The following ZC3H11A variants were observed in gnomAD, a reference collection of about 807,000 sequenced individuals.
The protein encoded by ZC3H11A is zinc finger CCCH domain-containing protein 11A.
ZC3H11A carries 22 observed loss-of-function variants against 90.8 expected under a neutral mutation model. That is an observed-to-expected ratio of 0.24 (90% CI 0.17 to 0.35). The LOEUF is 0.35. Among genes scored for constraint, ZC3H11A ranks in the 10% least tolerant of loss-of-function variants. The pLI is 1.00. For synonymous variants in ZC3H11A, 294 were observed against 339.8 expected (o/e 0.87, Z 1.48); for missense variants, 701 against 964.9 (o/e 0.73, Z 3.62).
chr1:203,845,160 GC>G, intron 12 of ZC3H11A, among the ~76,000 whole-genome samples: 1 of 152,102 alleles, frequency 6.6e-6, no homozygotes. Flanking sequence ...TCAGACATCT[GC>G]TTTCTGTTTT....
At chr1:203,850,078 C>T in intron 15 of ZC3H11A, 52 bp downstream of exon 15, 1 of 1,563,242 alleles carries the variant, frequency 6.4e-7, no homozygotes, top group Non-Finnish European at 8.7e-7. Context: ...TTACCAAATT[C>T]AACCCAATTG....
chr1:203,806,509 G>A (rs1558096704), intron 2 of ZC3H11A, among the ~76,000 whole-genome samples: 1 of 152,122 alleles, frequency 6.6e-6, no homozygotes, highest in East Asian at 1.9e-4. Flanking sequence ...CACCATGTTG[G>A]CCAGGCTGGT....
intron 4 of ZC3H11A, among the ~76,000 whole-genome samples, chr1:203,822,704 G>A (rs1283023736): frequency 6.6e-6 from 1 of 152,132 alleles, no homozygotes; most frequent in Non-Finnish European, 1.5e-5. Flanking sequence ...ACACTTGTCA[G>A]GGTACCCTTT....
intron 9 of ZC3H11A, among the ~76,000 whole-genome samples, chr1:203,832,859 A>G (rs772489799): frequency 6.6e-6 from 1 of 152,244 alleles, no homozygotes; most frequent in Non-Finnish European, 1.5e-5. Flanking sequence ...ATCAAAGTGC[A>G]TAAGCAAAAG....
chr1:203,818,712 C>T (rs1677186353), intron 4 of ZC3H11A, 23 bp downstream of exon 4: 1 of 1,613,610 alleles, frequency 6.2e-7, no homozygotes, highest in Non-Finnish European at 8.5e-7. Context: ...TTTCCGTTAT[C>T]ATAATAAGTA....
At chr1:203,815,138 T>A (rs1675824965) in intron 2 of ZC3H11A, among the ~76,000 whole-genome samples, 1 of 151,872 alleles carries the variant, frequency 6.6e-6, no homozygotes, top group Non-Finnish European at 1.5e-5. Context: ...CCATATATCA[T>A]AATTTTTAAA....
At chr1:203,849,329 G>A (rs1688717582) in intron 14 of ZC3H11A, among the ~76,000 whole-genome samples, 1 of 152,158 alleles carries the variant, frequency 6.6e-6, no homozygotes, top group Non-Finnish European at 1.5e-5. Flanking sequence ...CAAGAAGTTT[G>A]TTTTTACTGA....
rs767665804 is a variant in ZC3H11A, at chr1:203,830,132, T to C, written c.629T>C (p.Leu210Ser). Residue 210 changes from leucine (L) to serine (S), a missense_variant, in exon 8 of 18, where the codon TTG becomes TCG. Transcript: ENST00000367210. ...PAVNIKQGEC[L>S]NFGIKTLEEI... ...CTATTTGAATTTTCAGGTGAATGTTTGAATTTTGGAATAAAAACTCTTGAG... is the reference window on the plus strand; with the variant it reads ...CTATTTGAATTTTCAGGTGAATGTTCGAATTTTGGAATAAAAACTCTTGAG... 3.1e-6 allele frequency: 5 copies of C among 1,592,708 alleles called. No homozygotes were observed. The Admixed American group carries it at 5.8e-5, about 18-fold the overall frequency.
At chr1:203,814,331 C>T (rs894915262) in intron 2 of ZC3H11A, among the ~76,000 whole-genome samples, 1 of 152,152 alleles carries the variant, frequency 6.6e-6, no homozygotes, top group Admixed American at 6.6e-5. Context: ...CAAGACCAGC[C>T]TGGCCAACAT....
intron 4 of ZC3H11A, among the ~76,000 whole-genome samples, chr1:203,819,244 C>T (rs1328984845): frequency 2.9e-5 from 4 of 137,482 alleles, no homozygotes; most frequent in Non-Finnish European, 4.6e-5. Context: ...TTTTTTGAAA[C>T]GGAGTCTCAC....
chr1:203,801,279 A>G (rs974709538), intron 1 of ZC3H11A: 1 of 152,150 alleles, frequency 6.6e-6, no homozygotes, highest in Admixed American at 6.5e-5. Flanking sequence ...TTGTTTCTGT[A>G]ATTTTAGGTA....
chr1:203,842,439 C>T (rs1366395652), intron 12 of ZC3H11A, among the ~76,000 whole-genome samples: 1 of 152,138 alleles, frequency 6.6e-6, no homozygotes, highest in African/African-American at 2.4e-5. Context: ...TCCACCAAAA[C>T]ATGCAAACAC....
chr1:203,846,860 C>G (rs780891134), intron 12 of ZC3H11A, among the ~76,000 whole-genome samples: 31 of 151,874 alleles, frequency 2.0e-4, no homozygotes, highest in Non-Finnish European at 4.3e-4. Flanking sequence ...AACAATTAGC[C>G]GGGCTTGGTG....
chr1:203,847,463 A>G lies in ZC3H11A; in HGVS notation c.1322A>G (p.Lys441Arg), dbSNP rs150340964. Residue 441 changes from lysine to arginine, a missense_variant, in exon 13 of 18, where the codon AAA (lysine) becomes AGA (arginine). Physicochemically the swap from Lys to Arg is conservative, Grantham distance 26. Transcript: ENST00000367210. The part of the protein sequence containing the change: ...CIKLKIDSEI[K>R]KTVVLPPIVA... ...AAGCTAAAGATTGATAGTGAAATTA[A>G]AAAAACAGTAGTTTTGCCACCCATT... 382 of 1,613,990 alleles carry G rather than the reference A, an allele frequency of 2.4e-4. 2 individuals are homozygous for G. In the African/African-American group the frequency reaches 4.8e-3, roughly 20 times the overall value.
In ZC3H11A at chr1:203,842,268, A is replaced by G. The variant is rs546944855; in HGVS notation, c.1042+1894A>G. Among the ~76,000 whole-genome samples the G allele has an allele frequency of 1.4e-3, 207 of 152,316 alleles. 2 individuals are homozygous for G. The highest frequency in any genetic ancestry group is 4.7e-3 in the African/African-American group (197 of 41,572). ...CAGGCGGCTGGGAGGTGGAGGTTGT[A>G]GCAAGCCGAGATCACGCCACTGCAC... On this transcript the variant is annotated intron_variant, in intron 12 of 17. Transcript: ENST00000367210.
intron 4 of ZC3H11A, among the ~76,000 whole-genome samples, chr1:203,821,780 C>T (rs1447351975): frequency 2.0e-4 from 30 of 148,752 alleles, no homozygotes; most frequent in African/African-American, 6.7e-4. Flanking sequence ...TTTTTTGAGA[C>T]GGAGTCTTGC....
intron 2 of ZC3H11A, among the ~76,000 whole-genome samples, chr1:203,816,635 A>G (rs1252526461): frequency 6.6e-6 from 1 of 152,132 alleles, no homozygotes; most frequent in Non-Finnish European, 1.5e-5. Flanking sequence ...TGTCTCTAAA[A>G]AGAGTTAAAA....
At chr1:203,797,687 G>T (rs1669035038) in intron 1 of ZC3H11A, 3 of 1,535,700 alleles carry the variant, frequency 2.0e-6, no homozygotes, top group Non-Finnish European at 2.6e-6. Context: ...TGAATAAAGA[G>T]GCAAAACAGC....
chr1:203,834,382 C>T (rs1244434527), intron 10 of ZC3H11A, among the ~76,000 whole-genome samples: 1 of 152,120 alleles, frequency 6.6e-6, no homozygotes, highest in Non-Finnish European at 1.5e-5. Flanking sequence ...AGTGATCCTC[C>T]TGCCCCAGCC....
Sources: gnomAD v4.1 joint callset for allele counts (sites outside exome capture counted in the v4.1 genomes callset) on GRCh38, gnomAD v4.1.1 for gene constraint, MANE v1.5 for transcripts, NCBI Gene and HGNC (gene_info 2026-07-23, HGNC 2026-07-21) for gene names.